FTSJ3: variants seen among roughly 807,000 people sequenced by gnomAD.
The protein encoded by FTSJ3 is FtsJ RNA 2'-O-methyltransferase 3.
A neutral mutation model predicts 111.5 loss-of-function variants in FTSJ3; 46 were observed. The ratio of observed to expected loss-of-function variants is 0.41; its 90% CI spans 0.33 to 0.53. The LOEUF is 0.53. Among genes scored for constraint, FTSJ3 ranks in the 20% least tolerant of loss-of-function variants. FTSJ3 has a pLI of 0.19. For missense variants in FTSJ3, 1,075 were observed against 1,063.8 expected, an observed-to-expected ratio of 1.01 and a Z score of -0.15; for synonymous variants, 408 against 383.0, an observed-to-expected ratio of 1.07 and a Z score of -0.76.
In FTSJ3 at chr17:63,826,284, A is replaced by C; in HGVS notation, c.194T>G (p.Phe65Cys). Residue 65 changes from phenylalanine to cysteine, a missense_variant, in exon 4 of 21, where the codon TTT becomes TGT. By Grantham distance (205) the Phe-to-Cys change is radical. This residue lies in a region of FTSJ3 where 208 missense variants were observed against 266.9 expected (regional missense o/e 0.78). Transcript: ENST00000427159. The stretch of plus-strand genomic sequence containing the variant: ...CACAATAAGGCTGGATACAGGCATA[A>C]ACTTGGCAGCTACCTGCAGCCTATA... ...PGGWLQVAAKFMPVSSLIVGV... is the reference protein window; with the variant it reads ...PGGWLQVAAKCMPVSSLIVGV... 6.2e-7 allele frequency: 1 copy of C among 1,614,206 alleles called. No homozygotes were observed. The highest frequency in any genetic ancestry group is 8.5e-7 in the Non-Finnish European group (1 of 1,180,032).
At position 63,821,641 on chromosome 17, in the gene FTSJ3, GC is replaced by G. The variant is rs773224166; in HGVS notation, c.1598del (p.Gly533AlafsTer46). The part of the protein sequence containing the change: ...EEQANLWFSK[G>X]SFAGIEDDAD... ...CATCGTCCTCGATCCCAGCAAAGCT[GC>G]CCTGTGATAGGAGAACATCAGCTGC... On this transcript the variant is annotated frameshift_variant and splice_region_variant, in exon 16 of 21. Transcript: ENST00000427159. LOFTEE classifies it high-confidence loss of function. 1 of 1,613,256 alleles carries G rather than the reference GC, an allele frequency of 6.2e-7. No individual in the cohort carries two copies. The highest frequency in any genetic ancestry group is 1.3e-5 in the African/African-American group (1 of 74,892).
Position 63,823,961 on chromosome 17 carries a change from G to T in FTSJ3, c.1155-9C>A, listed in dbSNP as rs547071272. ...ACAGCTTCTTTTTCTTCCTGAGGGGGTGGATTGAGGGAGTAAAACCGGCCC... is the reference window on the plus strand; with the variant it reads ...ACAGCTTCTTTTTCTTCCTGAGGGGTTGGATTGAGGGAGTAAAACCGGCCC... On this transcript the variant is annotated splice_polypyrimidine_tract_variant and intron_variant, in intron 12 of 20. Transcript: ENST00000427159. The T allele has an allele frequency of 6.2e-7, 1 of 1,614,158 alleles. No individual in the cohort carries two copies. Among genetic ancestry groups the T allele is most frequent in the South Asian group, 1.1e-5 (1 of 91,078 alleles).
Position 63,821,409 on chromosome 17 carries a change from C to T in FTSJ3, c.1831G>A (p.Glu611Lys), listed in dbSNP as rs2040050013. 6.2e-7 allele frequency: 1 copy of T among 1,614,086 alleles called. No individual in the cohort carries two copies. Among genetic ancestry groups the T allele is most frequent in the South Asian group, 1.1e-5 (1 of 91,072 alleles). ...TEAATGLEGE[E>K]KDGISDSDSS... is the part of the protein sequence containing the mutation. ...TCACTGTCTGAGATGCCATCCTTTT[C>T]TTCCCCTTCAAGGCCAGTGGCAGCT... Residue 611 changes from glutamate to lysine, a missense_variant, in exon 16 of 21, where the codon GAA (glutamate) becomes AAA (lysine). Around this residue, in one of 2 missense-constraint regions of FTSJ3, gnomAD observed 867 missense variants for 796.9 expected, o/e 1.09. Coordinates refer to ENST00000427159, the MANE Select transcript of FTSJ3 (RefSeq NM_017647.4).
chr17:63,827,598 A>C lies in FTSJ3; in HGVS notation c.-573T>G. On this transcript the variant is annotated 5_prime_UTR_variant, in exon 1 of 21. Coordinates refer to ENST00000427159, the MANE Select transcript of FTSJ3 (RefSeq NM_017647.4). The stretch of plus-strand genomic sequence containing the variant: ...ATCTGAGTGGAGAGCGGGCCGGGGC[A>C]GGAGCGTCGGGTGGGTCGGAGGTGC... 8 of 1,550,236 alleles carry C rather than the reference A, an allele frequency of 5.2e-6. No homozygotes were observed. Among genetic ancestry groups the C allele is most frequent in the Non-Finnish European group, 7.0e-6 (8 of 1,146,398 alleles).
chr17:63,820,267 T>G lies in FTSJ3; in HGVS notation c.2244A>C (p.Arg748Ser). 1.3e-6 allele frequency: 2 copies of G among 1,573,574 alleles called. No individual in the cohort carries two copies. Among genetic ancestry groups the G allele is most frequent in the Non-Finnish European group, 1.7e-6 (2 of 1,156,138 alleles). The change falls in exon 19 of 21, where the codon AGA becomes AGC. Residue 748 changes from arginine (R) to serine (S), a missense_variant. Arg to Ser is a moderately radical substitution (Grantham distance 110). Around this residue, in one of 2 missense-constraint regions of FTSJ3, gnomAD observed 867 missense variants for 796.9 expected, o/e 1.09. Transcript: ENST00000427159. ...CCCCATCACTTACCCTCCTTTTCTT[T>G]CTAGCCTTAGCCTCAGCCACCTTCT... ...PIKKVAEAKA[R>S]KKRRMLKRLE...
Position 63,821,790 on chromosome 17 carries a change from G to C in FTSJ3, c.1529C>G (p.Pro510Arg), listed in dbSNP as rs1397540765. ...DDKEEEEEEN[P>R]LLVPLEEKAV... ...CTTTTCCTCCAGTGGTACCAGCAGT[G>C]GATTCTCCTCCTCCTCCTCCTCTTT... Residue 510 changes from proline (P) to arginine (R), a missense_variant, in exon 15 of 21, where the codon CCA becomes CGA. Transcript: ENST00000427159. 1 of 1,614,076 alleles carries C rather than the reference G, an allele frequency of 6.2e-7. No individual in the cohort carries two copies.
chr17:63,823,750 C>G, intron 13 of FTSJ3, 67 bp downstream of exon 13: 1 of 1,554,688 alleles, frequency 6.4e-7, no homozygotes, highest in Non-Finnish European at 8.7e-7. Context: ...CATTCAACAC[C>G]CCCCACCTCC....
At chr17:63,823,445 A>G (rs1010350511) in intron 13 of FTSJ3, 1 of 172,398 alleles carries the variant, frequency 5.8e-6, no homozygotes, top group Non-Finnish European at 1.2e-5. Context: ...AATACAAAAA[A>G]TTAGCCAGGC....
chr17:63,821,657 A>T lies in FTSJ3; in HGVS notation c.1597-14T>A. On this transcript the variant is annotated splice_polypyrimidine_tract_variant and intron_variant, in intron 15 of 20. Coordinates refer to ENST00000427159, the MANE Select transcript of FTSJ3 (RefSeq NM_017647.4). ...AGCAAAGCTGCCCTGTGATAGGAGA[A>T]CATCAGCTGCCCTTCTCCCAAGGAA... is the stretch of plus-strand genomic sequence containing the variant. 1 of 1,613,606 alleles carries T rather than the reference A, an allele frequency of 6.2e-7. No individual in the cohort carries two copies.
At chr17:63,825,699 TC>T in intron 5 of FTSJ3, 64 bp from the exon 6 acceptor site, 1 of 1,437,604 alleles carries the variant, frequency 7.0e-7, no homozygotes, top group Non-Finnish European at 9.7e-7. Context: ...CAGCCATTTG[TC>T]CATCTAGTCA....
At position 63,826,147 on chromosome 17, in the gene FTSJ3, C is replaced by T; in HGVS notation, c.221-12G>A. On this transcript the variant is annotated splice_polypyrimidine_tract_variant and intron_variant, in intron 4 of 20. Coordinates refer to ENST00000427159, the MANE Select transcript of FTSJ3 (RefSeq NM_017647.4). ...AACCAGGTCCACTCCTGGAAGAAATCAGGTCAGAGTATTCTAAAAGGTTGC... is the reference window on the plus strand; with the variant it reads ...AACCAGGTCCACTCCTGGAAGAAATTAGGTCAGAGTATTCTAAAAGGTTGC... 6.2e-7 allele frequency: 1 copy of T among 1,613,674 alleles called. No homozygotes were observed.
At chr17:63,822,239 C>A in intron 13 of FTSJ3, 71 bp from the exon 14 acceptor site, 1 of 1,317,634 alleles carries the variant, frequency 7.6e-7, no homozygotes, top group Non-Finnish European at 1.1e-6. Flanking sequence ...GTGTCCCTCA[C>A]CTCAGTCTAT....
In FTSJ3 at chr17:63,823,799, C is replaced by A; in HGVS notation, c.1290+18G>T. 3 of 1,611,744 alleles carry A rather than the reference C, an allele frequency of 1.9e-6. No individual in the cohort carries two copies. Among genetic ancestry groups the A allele is most frequent in the Non-Finnish European group, 2.5e-6 (3 of 1,178,774 alleles). On this transcript the variant is annotated intron_variant, in intron 13 of 20. Coordinates refer to ENST00000427159, the MANE Select transcript of FTSJ3 (RefSeq NM_017647.4). Reference sequence around the variant, plus strand: ...GATCCTTCTGTCTCCTAAACCTGCACCCCCAATGCCGCCTCACCTGGTGAC... The same window carrying A: ...GATCCTTCTGTCTCCTAAACCTGCAACCCCAATGCCGCCTCACCTGGTGAC...
At chr17:63,820,703 C>CGCTTGAACCTGGAAGACTG in intron 18 of FTSJ3, 136 bp downstream of exon 18, 1 of 639,662 alleles carries the variant, frequency 1.6e-6, no homozygotes, top group Non-Finnish European at 2.7e-6. Flanking sequence ...CAAGGAGAAT[C>CGCTTGAACCTGGAAGACTG]AGGCTGCAGT....
In FTSJ3 at chr17:63,826,894, C is replaced by T. The variant is rs773166654; in HGVS notation, c.9G>A (p.Lys3=). 1 of 1,614,012 alleles carries T rather than the reference C, an allele frequency of 6.2e-7. No homozygotes were observed. Among genetic ancestry groups the T allele is most frequent in the Non-Finnish European group, 8.5e-7 (1 of 1,179,926 alleles). Residue 3 remains lysine (K), a synonymous_variant, in exon 2 of 21, where the codon AAG becomes AAA. Transcript: ENST00000427159. ...GTCGGCTCTTGCCAACTTTGCCCTT[C>T]TTGCCCATGGTGGAAAGGGGGAGTA... The part of the protein sequence containing the change: MG[K]KGKVGKSRRD...
In FTSJ3 at chr17:63,825,456, AG is replaced by A; in HGVS notation, c.401-21del. 3 of 1,613,956 alleles carry A rather than the reference AG, an allele frequency of 1.9e-6. No individual in the cohort carries two copies. The highest frequency in any genetic ancestry group is 2.5e-6 in the Non-Finnish European group (3 of 1,179,862). On this transcript the variant is annotated intron_variant, in intron 6 of 20. Coordinates refer to ENST00000427159, the MANE Select transcript of FTSJ3 (RefSeq NM_017647.4). ...AATGGGCTGTAGGATAGAGACAATT[AG>A]TTGACGCACTCTGCAGCCCAGGAGG...
In FTSJ3 at chr17:63,821,574, CAAAT is replaced by C; in HGVS notation, c.1662_1665del (p.Phe555ArgfsTer23). The C allele has an allele frequency of 6.2e-7, 1 of 1,614,150 alleles. No homozygotes were observed. The highest frequency in any genetic ancestry group is 8.5e-7 in the Non-Finnish European group (1 of 1,180,030). ...TGCTGCCGTCCCTTCCGCCGGTTCT[CAAAT>C]AACAGCTGGGCCTGACTGATCTCCA... On this transcript the variant is annotated frameshift_variant, in exon 16 of 21. Coordinates refer to ENST00000427159, the MANE Select transcript of FTSJ3 (RefSeq NM_017647.4). LOFTEE classifies it high-confidence loss of function.
In FTSJ3 at chr17:63,825,352, C is replaced by T. The variant is rs772089187; in HGVS notation, c.485G>A (p.Arg162His). The T allele has an allele frequency of 6.8e-6, 11 of 1,614,150 alleles. 1 individual carries two copies. Among genetic ancestry groups the T allele is most frequent in the Middle Eastern group, 3.3e-4 (2 of 6,062 alleles). ...GATCCATAGCAGAGGCTGATAGTCACGAGAACGGAAAACCTTTGTGATGAA... is the reference window on the plus strand; with the variant it reads ...GATCCATAGCAGAGGCTGATAGTCATGAGAACGGAAAACCTTTGTGATGAA... Reference protein sequence around the residue: ...GSFITKVFRSRDYQPLLWIFQ... With the variant: ...GSFITKVFRSHDYQPLLWIFQ... The change falls in exon 7 of 21, where the codon CGT (arginine) becomes CAT (histidine). Residue 162 changes from arginine to histidine, a missense_variant. Physicochemically the swap from Arg to His is conservative, Grantham distance 29. Around this residue, in one of 2 missense-constraint regions of FTSJ3, gnomAD observed 208 missense variants for 266.9 expected, o/e 0.78. Coordinates refer to ENST00000427159, the MANE Select transcript of FTSJ3 (RefSeq NM_017647.4).
chr17:63,826,350 C>G (rs1207024713), intron 3 of FTSJ3, 46 bp from the exon 4 acceptor site: 1 of 1,583,238 alleles, frequency 6.3e-7, no homozygotes, highest in South Asian at 1.1e-5. Flanking sequence ...ATCCTTTTCC[C>G]CCTCTTGGCA....
Sources: gnomAD v4.1 joint callset for allele counts on GRCh38, gnomAD v4.1.1 for gene constraint, gnomAD v4.1.1 regional missense constraint, MANE v1.5 for transcripts, NCBI Gene and HGNC (gene_info 2026-07-23, HGNC 2026-07-21) for gene names.